The following PPP1R14A variants were observed in gnomAD, a reference collection of about 807,000 sequenced individuals.
The protein encoded by PPP1R14A is protein phosphatase 1 regulatory subunit 14A.
In PPP1R14A, 9 loss-of-function variants were observed where a neutral mutation model predicts 14.1. That is an observed-to-expected ratio of 0.64 (90% CI 0.38 to 1.11). The LOEUF is 1.11. PPP1R14A is among the 50% of genes most tolerant of loss of function. PPP1R14A has a pLI of 0.01. For synonymous variants in PPP1R14A, 93 were observed against 88.7 expected (o/e 1.05, Z -0.27); for missense variants, 208 against 200.7 (o/e 1.04, Z -0.22).
At chr19:38,255,944 G>C (rs557049484) in intron 1 of PPP1R14A, among the ~76,000 whole-genome samples, 195 bp downstream of exon 1, 63 of 152,102 alleles carry the variant, frequency 4.1e-4, no homozygotes, top group Non-Finnish European at 2.9e-4. Flanking sequence ...TGTTGCTCTC[G>C]GTGTGTCCAC....
At chr19:38,251,508 C>T (rs1968190050) in intron 3 of PPP1R14A, 62 bp from the exon 4 acceptor site, 1 of 1,478,272 alleles carries the variant, frequency 6.8e-7, no homozygotes. Context: ...CTGCCCCTGT[C>T]CAGCCCAGTC....
Position 38,252,843 on chromosome 19 carries a change from T to C in PPP1R14A, c.282+51A>G. ...GTAAACACGTGAACTATTGCTATTA[T>C]TTTTAGGGAGGTGCAAAGTGGGAGG... On this transcript the variant is annotated intron_variant, in intron 2 of 3. Coordinates refer to ENST00000301242, the MANE Select transcript of PPP1R14A (RefSeq NM_033256.3). This position sits in a 1 kb window ranked among gnomAD's most constrained non-coding sequence, Gnocchi z 4.1. The C allele has an allele frequency of 7.5e-7, 1 of 1,329,274 alleles. No individual in the cohort carries two copies. Among genetic ancestry groups the C allele is most frequent in the Non-Finnish European group, 1.1e-6 (1 of 920,578 alleles). 82.3% of individuals were successfully genotyped at this position (1,329,274 alleles called of 1,614,324 possible).
In PPP1R14A at chr19:38,253,061, C is replaced by A. The variant is rs1321680610; in HGVS notation, c.202-87G>T. On this transcript the variant is annotated intron_variant, in intron 1 of 3. Transcript: ENST00000301242. ...GGGCTCTGCAGGAGCCCCACCGGCC[C>A]CAGGGCCCAGCTGGCGGGTTCTGGA... 12 of 1,046,116 alleles carry A rather than the reference C, an allele frequency of 1.1e-5. No individual in the cohort carries two copies. In the East Asian group the frequency reaches 2.8e-4, roughly 25 times the overall value. 64.8% of individuals were successfully genotyped at this position (1,046,116 alleles called of 1,614,324 possible).
intron 1 of PPP1R14A, chr19:38,253,346 A>G (rs1035134799): frequency 6.0e-5 from 12 of 199,942 alleles, no homozygotes; most frequent in African/African-American, 2.6e-4. Flanking sequence ...CTTTCAAGGA[A>G]AAGTCTTAGC....
Position 38,252,921 on chromosome 19 carries a change from ACTCT to A in PPP1R14A, c.251_254del (p.Glu84ValfsTer13). The A allele has an allele frequency of 6.2e-7, 1 of 1,612,926 alleles. No homozygotes were observed. The highest frequency in any genetic ancestry group is 8.5e-7 in the Non-Finnish European group (1 of 1,179,644). On this transcript the variant is annotated frameshift_variant, in exon 2 of 4. Coordinates refer to ENST00000301242, the MANE Select transcript of PPP1R14A (RefSeq NM_033256.3). LOFTEE classifies it high-confidence loss of function. This position sits in a 1 kb window ranked among gnomAD's most constrained non-coding sequence, Gnocchi z 4.1. The stretch of plus-strand genomic sequence containing the variant: ...GGATTTTCCGGCTTCTCTCCTCTTC[ACTCT>A]CTAACTCCAACAATTCATCAATGTT...
intron 1 of PPP1R14A, among the ~76,000 whole-genome samples, chr19:38,255,020 G>A (rs1461112751): frequency 6.6e-6 from 1 of 152,122 alleles, no homozygotes; most frequent in Non-Finnish European, 1.5e-5. Flanking sequence ...CTGACCTCAG[G>A]TGATCCGCCC....
At chr19:38,251,559 G>T (rs1024538021) in intron 3 of PPP1R14A, 113 bp from the exon 4 acceptor site, 3 of 801,630 alleles carry the variant, frequency 3.7e-6, no homozygotes, top group African/African-American at 3.7e-5. Context: ...ATTGTGGGGT[G>T]GGGGGAGTTA....
At chr19:38,254,548 G>A in intron 1 of PPP1R14A, among the ~76,000 whole-genome samples, 1 of 151,956 alleles carries the variant, frequency 6.6e-6, no homozygotes, top group East Asian at 1.9e-4. Flanking sequence ...CAAGTGATCT[G>A]CCCACCTTGG....
chr19:38,255,546 T>G (rs1444704665), intron 1 of PPP1R14A, among the ~76,000 whole-genome samples: 1 of 152,134 alleles, frequency 6.6e-6, no homozygotes, highest in Non-Finnish European at 1.5e-5. Context: ...GGTTGTGCTG[T>G]GTCTGCCTAC....
At position 38,252,193 on chromosome 19, in the gene PPP1R14A, G is replaced by T. The variant is rs1033697458; in HGVS notation, c.315+113C>A. The T allele has an allele frequency of 1.9e-5, 19 of 1,007,142 alleles. No homozygotes were observed. The highest frequency in any genetic ancestry group is 2.9e-5 in the Non-Finnish European group (19 of 659,274). 62.4% of individuals were successfully genotyped at this position (1,007,142 alleles called of 1,614,324 possible). A position where few individuals can be genotyped will look rare whatever the true frequency, so the allele number is the denominator to read the frequency against. The stretch of plus-strand genomic sequence containing the variant: ...GCTGCGGAGGGCAGGTTGGGGCCGG[G>T]GGTGGTGGGGCCGGGTGGTGTTCCC... On this transcript the variant is annotated intron_variant, in intron 3 of 3. Coordinates refer to ENST00000301242, the MANE Select transcript of PPP1R14A (RefSeq NM_033256.3). This position sits in a 1 kb window ranked among gnomAD's most constrained non-coding sequence, Gnocchi z 4.1.
intron 1 of PPP1R14A, among the ~76,000 whole-genome samples, chr19:38,253,727 C>T (rs1471602898): frequency 6.6e-6 from 1 of 152,330 alleles, no homozygotes; most frequent in South Asian, 2.1e-4. Context: ...GTCCGGCTGT[C>T]GGCTTCAGGC....
chr19:38,252,199 T>C lies in PPP1R14A; in HGVS notation c.315+107A>G. The C allele has an allele frequency of 9.7e-7, 1 of 1,028,576 alleles. No homozygotes were observed. Among genetic ancestry groups the C allele is most frequent in the Non-Finnish European group, 1.4e-6 (1 of 699,942 alleles). The allele number at this position is 1,028,576 out of a possible 1,614,324, so 63.7% of individuals were successfully genotyped here. A position where few individuals can be genotyped will look rare whatever the true frequency, so the allele number is the denominator to read the frequency against. ...GAGGGCAGGTTGGGGCCGGGGGTGG[T>C]GGGGCCGGGTGGTGTTCCCCAGAGA... On this transcript the variant is annotated intron_variant, in intron 3 of 3. Transcript: ENST00000301242. The surrounding 1 kb of genome is among the most constrained non-coding windows in gnomAD (Gnocchi z 4.1).
intron 1 of PPP1R14A, 172 bp from the exon 2 acceptor site, chr19:38,253,146 G>C: frequency 1.7e-6 from 1 of 597,524 alleles, no homozygotes; most frequent in South Asian, 1.9e-5. Context: ...TGTTGGGGGG[G>C]AGGGGTGACA....
At chr19:38,253,431 G>T (rs1022095682) in intron 1 of PPP1R14A, among the ~76,000 whole-genome samples, 1 of 152,112 alleles carries the variant, frequency 6.6e-6, no homozygotes, top group Non-Finnish European at 1.5e-5. Context: ...GACAGGAAGG[G>T]AGGGGACAGG....
intron 3 of PPP1R14A, 133 bp from the exon 4 acceptor site, chr19:38,251,579 G>C (rs1968190984): frequency 1.6e-6 from 1 of 614,742 alleles, no homozygotes; most frequent in Admixed American, 4.1e-5. Context: ...AGGGGCGGAG[G>C]CTATAGACAT....
intron 1 of PPP1R14A, among the ~76,000 whole-genome samples, chr19:38,255,298 T>C (rs1436242318): frequency 6.6e-6 from 1 of 151,942 alleles, no homozygotes; most frequent in Non-Finnish European, 1.5e-5. Context: ...CGGCTAAGTT[T>C]TAAGATTTTT....
chr19:38,256,066 C>T lies in PPP1R14A; in HGVS notation c.201+73G>A. On this transcript the variant is annotated intron_variant, in intron 1 of 3. Transcript: ENST00000301242. The surrounding 1 kb of genome is among the most constrained non-coding windows in gnomAD (Gnocchi z 5.7). ...GTGCACCAGCGAGTGTGCACCGAGA[C>T]CCCAAGGGCGTGGGGTCTCCGCGCC... 7.3e-7 allele frequency: 1 copy of T among 1,367,248 alleles called. No individual in the cohort carries two copies. The highest frequency in any genetic ancestry group is 1.4e-5 in the South Asian group (1 of 72,418). The allele number at this position is 1,367,248 out of a possible 1,614,324, so 84.7% of individuals were successfully genotyped here.
chr19:38,252,372 T>A lies in PPP1R14A; in HGVS notation c.283-34A>T, dbSNP rs1968200349. On this transcript the variant is annotated intron_variant, in intron 2 of 3. Coordinates refer to ENST00000301242, the MANE Select transcript of PPP1R14A (RefSeq NM_033256.3). This position sits in a 1 kb window ranked among gnomAD's most constrained non-coding sequence, Gnocchi z 4.1. ...CCCAACCAAGAACAAAACAAAACAG[T>A]AAATGACTAACACCTACTCCCCTCC... 31 of 1,606,098 alleles carry A rather than the reference T, an allele frequency of 1.9e-5. No homozygotes were observed. The highest frequency in any genetic ancestry group is 2.5e-5 in the Non-Finnish European group (29 of 1,175,160).
chr19:38,251,330 A>T lies in PPP1R14A; in HGVS notation c.432T>A (p.Thr144=), dbSNP rs758133715. ...SLSPLQDRAR[T]AHP ...GAGTGCAAGAGGGTCAGGGGTGAGC[A>T]GTCCGGGCCCGGTCCTGGAGGGGGC... is the stretch of plus-strand genomic sequence containing the variant. The change falls in exon 4 of 4, where the codon ACT becomes ACA. Residue 144 remains threonine, a synonymous_variant. Coordinates refer to ENST00000301242, the MANE Select transcript of PPP1R14A (RefSeq NM_033256.3). 63 of 1,505,174 alleles carry T rather than the reference A, an allele frequency of 4.2e-5. No homozygotes were observed. Among genetic ancestry groups the T allele is most frequent in the Non-Finnish European group, 5.4e-5 (62 of 1,140,664 alleles). 93.2% of individuals were successfully genotyped at this position (1,505,174 alleles called of 1,614,324 possible). A position where few individuals can be genotyped will look rare whatever the true frequency, so the allele number is the denominator to read the frequency against.
Sources: allele counts gnomAD v4.1 joint callset (sites outside exome capture counted in the v4.1 genomes callset), GRCh38; gene constraint gnomAD v4.1.1; non-coding constraint Gnocchi (gnomAD v3.1); transcripts MANE v1.5; gene names NCBI Gene and HGNC (gene_info 2026-07-23, HGNC 2026-07-21).